Variants in C8orf34 observed in about 807,000 individuals in gnomAD.
C8orf34 encodes uncharacterized protein C8orf34.
A neutral mutation model predicts 68.3 loss-of-function variants in C8orf34; 65 were observed. The observed-to-expected ratio is 0.95, with a 90% CI of 0.78 to 1.17. The LOEUF (loss-of-function observed/expected upper bound fraction) is 1.17, where lower values mean the gene tolerates loss of function less well. Among genes scored for constraint, C8orf34 ranks in the 50% most tolerant of loss-of-function variants. The pLI is 0.00. For synonymous variants in C8orf34, 244 were observed against 241.2 expected (o/e 1.01, Z -0.11); for missense variants, 664 against 655.4 (o/e 1.01, Z -0.14).
intron 7 of C8orf34, among the ~76,000 whole-genome samples, chr8:68,551,873 T>C (rs1172574118): frequency 6.6e-6 from 1 of 152,144 alleles, no homozygotes; most frequent in African/African-American, 2.4e-5. Flanking sequence ...TTTATGCCCA[T>C]GATTTCTGTT....
intron 7 of C8orf34, among the ~76,000 whole-genome samples, chr8:68,584,650 C>T (rs750117767): frequency 3.1e-4 from 47 of 152,006 alleles, no homozygotes; most frequent in Non-Finnish European, 5.0e-4. Context: ...GGAGTGTTCT[C>T]GTTAACAAAA....
chr8:68,568,878 GTC>G (rs1428659534), intron 7 of C8orf34, among the ~76,000 whole-genome samples: 2 of 151,596 alleles, frequency 1.3e-5, no homozygotes, highest in Non-Finnish European at 2.9e-5. Context: ...GGGCCATACC[GTC>G]TCTCTTGCGC....
chr8:68,818,480 T>G lies in C8orf34; in HGVS notation c.*234T>G. On this transcript the variant is annotated 3_prime_UTR_variant, in exon 14 of 14. Transcript: ENST00000518698. ...GGAGGCCGGCTGCCTTTTGACATGG[T>G]TAGAGTCCTGGGTTTAGATTACTTT... The G allele has an allele frequency of 2.0e-6, 1 of 493,886 alleles. No homozygotes were observed. The highest frequency in any genetic ancestry group is 3.7e-6 in the Non-Finnish European group (1 of 273,620). 30.6% of individuals were successfully genotyped at this position (493,886 alleles called of 1,614,324 possible). A position where few individuals can be genotyped will look rare whatever the true frequency, so the allele number is the denominator to read the frequency against.
intron 3 of C8orf34, chr8:68,447,629 G>T (rs981473661): frequency 6.6e-6 from 1 of 152,128 alleles, no homozygotes; most frequent in African/African-American, 2.4e-5. Flanking sequence ...ATCTTTGTTT[G>T]AAAATGTTTG....
At chr8:68,605,631 C>T (rs1349336787) in intron 7 of C8orf34, among the ~76,000 whole-genome samples, 1 of 151,994 alleles carries the variant, frequency 6.6e-6, no homozygotes, top group Non-Finnish European at 1.5e-5. Context: ...TCTGAAAAGA[C>T]TAGGTACTGT....
At chr8:68,418,133 T>C (rs1360673284) in intron 1 of C8orf34, among the ~76,000 whole-genome samples, 6 of 146,764 alleles carry the variant, frequency 4.1e-5, no homozygotes, top group Non-Finnish European at 7.5e-5. Flanking sequence ...GTGATTTTTG[T>C]ACATTGATTT....
At chr8:68,370,225 T>G (rs996527994) in intron 1 of C8orf34, among the ~76,000 whole-genome samples, 3 of 152,236 alleles carry the variant, frequency 2.0e-5, no homozygotes, top group Non-Finnish European at 4.4e-5. Context: ...GCTGCCCATC[T>G]ATTCCCCTTC....
intron 10 of C8orf34, among the ~76,000 whole-genome samples, chr8:68,726,089 A>G (rs534433338): frequency 6.6e-6 from 1 of 151,974 alleles, no homozygotes; most frequent in African/African-American, 2.4e-5. Flanking sequence ...TTGTATTTTT[A>G]GTAGAGACCA....
At chr8:68,522,121 T>C (rs1814783117) in intron 6 of C8orf34, 150 bp downstream of exon 6, 1 of 598,086 alleles carries the variant, frequency 1.7e-6, no homozygotes, top group Non-Finnish European at 2.7e-6. Context: ...AAACATCAAT[T>C]GCTGTCTCTT....
chr8:68,497,251 A>C (rs1031065429), intron 5 of C8orf34, among the ~76,000 whole-genome samples: 1 of 152,212 alleles, frequency 6.6e-6, no homozygotes, highest in Non-Finnish European at 1.5e-5. Context: ...TATAGAAAAA[A>C]ATCCTCTTAA....
At position 68,439,595 on chromosome 8, in the gene C8orf34, C is replaced by T. The variant is rs756689865; in HGVS notation, c.424C>T (p.Gln142Ter). The T allele has an allele frequency of 1.2e-6, 2 of 1,613,634 alleles. No homozygotes were observed. ...TAAACAAGGGAACCGTGGACAACTT[C>T]AAAGAACTTTGTCTGGATCTGCAGC... ...QSKQGNRGQL[Q>*]RTLSGSAALW... Residue 142 changes from glutamine to a stop codon, truncating the protein, a stop_gained, in exon 2 of 14, where the codon CAA becomes TAA. Coordinates refer to ENST00000518698, the MANE Select transcript of C8orf34 (RefSeq NM_052958.4). LOFTEE classifies it high-confidence loss of function.
intron 1 of C8orf34, among the ~76,000 whole-genome samples, chr8:68,415,351 A>G (rs1483572769): frequency 6.6e-6 from 1 of 152,074 alleles, no homozygotes; most frequent in Non-Finnish European, 1.5e-5. Flanking sequence ...GTGGCGGTAC[A>G]TGCCTGTAAT....
intron 7 of C8orf34, among the ~76,000 whole-genome samples, chr8:68,559,609 G>C (rs1313163504): frequency 2.0e-5 from 3 of 152,136 alleles, no homozygotes; most frequent in African/African-American, 7.2e-5. Context: ...CGTGTGACCT[G>C]TTTTAATACA....
At chr8:68,446,814 A>G (rs1586158474) in intron 3 of C8orf34, 3 of 263,180 alleles carry the variant, frequency 1.1e-5, no homozygotes, top group East Asian at 1.4e-4. Context: ...AGCAAATTAA[A>G]TCTCTTAGAA....
At chr8:68,413,893 TA>T (rs1809550300) in intron 1 of C8orf34, among the ~76,000 whole-genome samples, 1 of 152,208 alleles carries the variant, frequency 6.6e-6, no homozygotes, top group Non-Finnish European at 1.5e-5. Flanking sequence ...GCACTCCATT[TA>T]AAGCAACAAT....
At chr8:68,576,753 G>A (rs1816916800) in intron 7 of C8orf34, among the ~76,000 whole-genome samples, 1 of 151,802 alleles carries the variant, frequency 6.6e-6, no homozygotes, top group Non-Finnish European at 1.5e-5. Flanking sequence ...TGTCAGGTAA[G>A]AAACATTTAA....
intron 1 of C8orf34, among the ~76,000 whole-genome samples, chr8:68,406,237 G>A (rs1376841860): frequency 2.0e-5 from 3 of 152,246 alleles, no homozygotes; most frequent in Middle Eastern, 3.4e-3. Flanking sequence ...AAACATACAC[G>A]TAGTTTTGGT....
At chr8:68,450,511 A>G (rs138789723) in intron 3 of C8orf34, among the ~76,000 whole-genome samples, 2 of 152,136 alleles carry the variant, frequency 1.3e-5, no homozygotes, top group African/African-American at 2.4e-5. Context: ...CTTAGGTAAT[A>G]AGACTTGAAA....
chr8:68,742,337 T>C (rs926991973), intron 10 of C8orf34, among the ~76,000 whole-genome samples: 1 of 152,162 alleles, frequency 6.6e-6, no homozygotes, highest in African/African-American at 2.4e-5. Flanking sequence ...CCAAACCTGA[T>C]CCTAGCCTCC....
Sources: allele counts gnomAD v4.1 joint callset (sites outside exome capture counted in the v4.1 genomes callset), GRCh38; gene constraint gnomAD v4.1.1; transcripts MANE v1.5; gene names NCBI Gene and HGNC (gene_info 2026-07-23, HGNC 2026-07-21).